PRKCH: variants seen among roughly 807,000 people sequenced by gnomAD.
PRKCH encodes protein kinase C eta, also known as protein kinase C eta type.
In PRKCH, 28 loss-of-function variants were observed where a neutral mutation model predicts 82.5. The observed-to-expected ratio is 0.34, with a 90% CI of 0.25 to 0.47. The LOEUF (loss-of-function observed/expected upper bound fraction) is 0.47, where lower values mean the gene tolerates loss of function less well. Among genes scored for constraint, PRKCH ranks in the 20% least tolerant of loss-of-function variants. The probability of loss-of-function intolerance (pLI) is 1.00; values close to 1 mark genes in which losing one functional copy is unlikely to be tolerated. For synonymous variants in PRKCH, 322 were observed against 327.4 expected (o/e 0.98, Z 0.18); for missense variants, 705 against 881.8 (o/e 0.80, Z 2.54).
intron 1 of PRKCH, among the ~76,000 whole-genome samples, chr14:61,364,666 A>G (rs977016931): frequency 1.3e-5 from 2 of 151,848 alleles, no homozygotes; most frequent in African/African-American, 4.9e-5. Flanking sequence ...GTGAAACCCC[A>G]TCTCTACCAA....
In PRKCH at chr14:61,210,097, C is replaced by CA. The variant is rs1317306560; in HGVS notation, c.-19+22432dup. On this transcript the variant is annotated intron_variant, in intron 1 of 3. Transcript: ENST00000555185. ...ACTAAAACAAAAACAAAAAACAAAACAAACAAACAAACAAATATATATATA... is the reference window on the plus strand; with the variant it reads ...ACTAAAACAAAAACAAAAAACAAAACAAAACAAACAAACAAATATATATATA... Among the ~76,000 whole-genome samples, 128 of 80,218 alleles carry CA rather than the reference C, an allele frequency of 1.6e-3. 1 individual carries two copies. The highest frequency in any genetic ancestry group is 2.2e-3 in the African/African-American group (48 of 22,168). The allele number at this position is 80,218 out of a possible 152,430, so 52.6% of individuals were successfully genotyped here.
chr14:61,292,445 A>G (rs2045371577), intron 1 of PRKCH, among the ~76,000 whole-genome samples: 1 of 152,126 alleles, frequency 6.6e-6, no homozygotes, highest in South Asian at 2.1e-4. Flanking sequence ...TCACACCACT[A>G]GACTCCAGCC....
At chr14:61,265,991 A>G (rs2045096546) in intron 1 of PRKCH, among the ~76,000 whole-genome samples, 1 of 152,206 alleles carries the variant, frequency 6.6e-6, no homozygotes, top group Non-Finnish European at 1.5e-5. Flanking sequence ...GCTACTCGGG[A>G]GGCTAAGGCA....
chr14:61,332,648 C>A (rs1223244051), intron 1 of PRKCH, among the ~76,000 whole-genome samples: 3 of 152,178 alleles, frequency 2.0e-5, no homozygotes, highest in Non-Finnish European at 4.4e-5. Flanking sequence ...GTCATAATTG[C>A]ATTAATAAGT....
intron 1 of PRKCH, among the ~76,000 whole-genome samples, chr14:61,269,747 A>G (rs1009068834): frequency 1.3e-5 from 2 of 152,178 alleles, no homozygotes; most frequent in Admixed American, 1.3e-4. Flanking sequence ...GATTCTGTCT[A>G]TGTCCAGCGG....
intron 1 of PRKCH, among the ~76,000 whole-genome samples, chr14:61,188,514 C>T (rs1163955144): frequency 6.6e-6 from 1 of 151,466 alleles, no homozygotes; most frequent in Non-Finnish European, 1.5e-5. Flanking sequence ...CCCCTCCGGG[C>T]GCCTCCCGGC....
chr14:61,413,600 C>T lies in PRKCH; in HGVS notation c.427+22312C>T, dbSNP rs560300879. On this transcript the variant is annotated intron_variant, in intron 2 of 13. Coordinates refer to ENST00000332981, the MANE Select transcript of PRKCH (RefSeq NM_006255.5). ...TCATTGCTTTTGCTAAAGACCTGTG[C>T]TTCCTCACGAACTTTGCTTCCCTTT... 2.5e-3 allele frequency among the ~76,000 whole-genome samples: 387 copies of T among 152,184 alleles called. 3 individuals carry two copies. Among genetic ancestry groups the T allele is most frequent in the African/African-American group, 8.8e-3 (364 of 41,514 alleles).
At chr14:61,455,338 C>T (rs1884716444) in intron 7 of PRKCH, among the ~76,000 whole-genome samples, 1 of 151,992 alleles carries the variant, frequency 6.6e-6, no homozygotes, top group African/African-American at 2.4e-5. Context: ...CCGCGCCTGG[C>T]CTATTGACAA....
chr14:61,311,846 A>G (rs1250549081), intron 1 of PRKCH, among the ~76,000 whole-genome samples: 1 of 152,246 alleles, frequency 6.6e-6, no homozygotes, highest in Non-Finnish European at 1.5e-5. Context: ...TAATACAATT[A>G]TGGTGGAAGA....
intron 10 of PRKCH, among the ~76,000 whole-genome samples, chr14:61,520,701 A>C (rs2042894686): frequency 6.6e-6 from 1 of 152,220 alleles, no homozygotes; most frequent in Admixed American, 6.5e-5. Flanking sequence ...CTCATTTTTC[A>C]CTGGCGGTTT....
At chr14:61,316,613 T>G (rs1308998643), upstream of PRKCH, among the ~76,000 whole-genome samples, 2 of 152,198 alleles carry the variant, frequency 1.3e-5, no homozygotes, top group Non-Finnish European at 2.9e-5. Context: ...TCCCCTGCTT[T>G]CAGGGTCAGG....
chr14:61,484,787 A>C (rs1219538705), intron 9 of PRKCH, among the ~76,000 whole-genome samples: 2 of 95,766 alleles, frequency 2.1e-5, no homozygotes, highest in South Asian at 3.3e-4. Context: ...TTTTTTTGGA[A>C]GAAGGAGTCT....
chr14:61,485,508 C>G lies in PRKCH; in HGVS notation c.1285C>G (p.Leu429Val). 6.2e-7 allele frequency: 1 copy of G among 1,613,874 alleles called. No homozygotes were observed. The highest frequency in any genetic ancestry group is 1.1e-5 in the South Asian group (1 of 91,054). ...CTCTTGTGTTTGTATCCAGGATCGT[C>G]TGTTTTTTGTGATGGAGTTTGTGAA... is the stretch of plus-strand genomic sequence containing the variant. ...LFCCFQTPDR[L>V]FFVMEFVNGG... is the part of the protein sequence containing the mutation. Residue 429 changes from leucine to valine, a missense_variant, in exon 10 of 14, where the codon CTG becomes GTG. By Grantham distance (32) the Leu-to-Val change is conservative (BLOSUM62 1). Coordinates refer to ENST00000332981, the MANE Select transcript of PRKCH (RefSeq NM_006255.5).
Position 61,530,569 on chromosome 14 carries a change from G to C in PRKCH, c.1735G>C (p.Glu579Gln), listed in dbSNP as rs758595244. 6.2e-7 allele frequency: 1 copy of C among 1,604,408 alleles called. No homozygotes were observed. The highest frequency in any genetic ancestry group is 2.2e-5 in the East Asian group (1 of 44,644). ...DEVVYPTWLH[E>Q]DATGILKSFM... Reference sequence around the variant, plus strand: ...GGTGGTCTACCCTACCTGGCTCCATGAAGATGCCACAGGGATCCTAAAATC... The same window carrying C: ...GGTGGTCTACCCTACCTGGCTCCATCAAGATGCCACAGGGATCCTAAAATC... Residue 579 changes from glutamate to glutamine, a missense_variant, in exon 12 of 14, where the codon GAA becomes CAA. Physicochemically the swap from Glu to Gln is conservative, Grantham distance 29 (BLOSUM62 2). Transcript: ENST00000332981.
In PRKCH at chr14:61,530,570, A is replaced by T. The variant is rs779881359; in HGVS notation, c.1736A>T (p.Glu579Val). The T allele has an allele frequency of 1.2e-6, 2 of 1,603,582 alleles. No individual in the cohort carries two copies. Among genetic ancestry groups the T allele is most frequent in the South Asian group, 2.3e-5 (2 of 88,502 alleles). Residue 579 changes from glutamate to valine, a missense_variant, in exon 12 of 14, where the codon GAA (glutamate) becomes GTA (valine). Physicochemically the swap from Glu to Val is moderately radical, Grantham distance 121. Around this residue, in one of 5 missense-constraint regions of PRKCH, gnomAD observed 115 missense variants for 193.8 expected, o/e 0.59. Transcript: ENST00000332981. ...DEVVYPTWLH[E>V]DATGILKSFM... ...GTGGTCTACCCTACCTGGCTCCATG[A>T]AGATGCCACAGGGATCCTAAAATCT...
chr14:61,243,624 A>G (rs908824937), intron 1 of PRKCH, among the ~76,000 whole-genome samples: 4 of 152,052 alleles, frequency 2.6e-5, no homozygotes, highest in Non-Finnish European at 2.9e-5. Flanking sequence ...TTTTATTTTA[A>G]GAAGAATTGA....
intron 13 of PRKCH, 62 bp downstream of exon 13, chr14:61,547,948 AG>A: frequency 6.3e-7 from 1 of 1,574,988 alleles, no homozygotes; most frequent in Non-Finnish European, 8.6e-7. Context: ...ATTCCACCAA[AG>A]TCCGTAGAAG....
chr14:61,360,845 T>C (rs2046215377), intron 1 of PRKCH, among the ~76,000 whole-genome samples: 1 of 152,220 alleles, frequency 6.6e-6, no homozygotes, highest in African/African-American at 2.4e-5. Flanking sequence ...TCTTTCATCA[T>C]GGACCAGCTG....
At chr14:61,315,199 G>A (rs1361296177) in intron 1 of PRKCH, among the ~76,000 whole-genome samples, 1 of 152,174 alleles carries the variant, frequency 6.6e-6, no homozygotes, top group East Asian at 1.9e-4. Flanking sequence ...CCCCTGCCCT[G>A]CAAACCACTC....
Sources: allele counts gnomAD v4.1 joint callset (sites outside exome capture counted in the v4.1 genomes callset), GRCh38; gene constraint gnomAD v4.1.1; regional missense constraint gnomAD v4.1.1; transcripts MANE v1.5; gene names NCBI Gene and HGNC (gene_info 2026-07-23, HGNC 2026-07-21).